BRINP3: variants seen among roughly 807,000 people sequenced by gnomAD.
The protein encoded by BRINP3 is BMP/retinoic acid-inducible neural-specific protein 3.
Under a neutral mutation model 71.0 loss-of-function variants are expected in BRINP3, and 19 were observed. That is an observed-to-expected ratio of 0.27 (90% CI 0.19 to 0.39). The LOEUF (loss-of-function observed/expected upper bound fraction) is 0.39, where lower values mean the gene tolerates loss of function less well. BRINP3 is among the 10% of genes least tolerant of loss of function. The pLI is 1.00. For missense variants in BRINP3, 959 were observed against 940.8 expected (o/e 1.02, Z -0.25); for synonymous variants, 380 against 337.7 (o/e 1.13, Z -1.37).
intron 6 of BRINP3, among the ~76,000 whole-genome samples, chr1:190,201,027 A>G (rs531738667): frequency 1.3e-5 from 2 of 152,262 alleles, no homozygotes; most frequent in South Asian, 4.2e-4. Context: ...TGGGGAAGCA[A>G]CTTTGGAACT....
chr1:190,326,149 G>A (rs1264470188), intron 2 of BRINP3, among the ~76,000 whole-genome samples: 4 of 151,964 alleles, frequency 2.6e-5, no homozygotes, highest in Non-Finnish European at 4.4e-5. Context: ...ACAATTCAAA[G>A]CTTTATCAAT....
chr1:190,185,656 T>G (rs868848593), intron 6 of BRINP3, among the ~76,000 whole-genome samples: 2 of 152,144 alleles, frequency 1.3e-5, no homozygotes, highest in Admixed American at 6.6e-5. Context: ...GTCTCCTGCA[T>G]GTATTTCTAT....
chr1:190,426,829 C>T (rs1303872965), intron 2 of BRINP3, among the ~76,000 whole-genome samples: 11 of 151,742 alleles, frequency 7.2e-5, no homozygotes, highest in Admixed American at 2.6e-4. Context: ...TCTGGATTAA[C>T]GGAACATTAT....
intron 4 of BRINP3, among the ~76,000 whole-genome samples, chr1:190,262,575 T>C (rs1191213639): frequency 6.6e-6 from 1 of 152,058 alleles, no homozygotes; most frequent in Admixed American, 6.6e-5. Flanking sequence ...TTTCCACCCA[T>C]CTCCAGCTAC....
At chr1:190,277,424 G>A (rs1352548760) in intron 3 of BRINP3, among the ~76,000 whole-genome samples, 2 of 151,182 alleles carry the variant, frequency 1.3e-5, no homozygotes, top group Non-Finnish European at 3.0e-5. Context: ...GTTGGATAAC[G>A]CTATATAATT....
intron 2 of BRINP3, among the ~76,000 whole-genome samples, chr1:190,452,779 C>T (rs916309241): frequency 6.6e-6 from 1 of 152,134 alleles, no homozygotes; most frequent in Non-Finnish European, 1.5e-5. Context: ...ATCGCTTAAA[C>T]CCAGGAGGCG....
intron 6 of BRINP3, among the ~76,000 whole-genome samples, chr1:190,206,562 T>G (rs1655519616): frequency 6.6e-6 from 1 of 152,092 alleles, no homozygotes; most frequent in Non-Finnish European, 1.5e-5. Context: ...TAAGAATTGT[T>G]CCTCACAACT....
At chr1:190,412,823 T>A (rs991814102) in intron 2 of BRINP3, among the ~76,000 whole-genome samples, 8 of 152,042 alleles carry the variant, frequency 5.3e-5, no homozygotes, top group East Asian at 1.9e-4. Flanking sequence ...GTTAAAAAAA[T>A]TTTGGTAAAA....
intron 2 of BRINP3, among the ~76,000 whole-genome samples, chr1:190,313,598 A>T (rs1018923614): frequency 5.3e-5 from 8 of 152,044 alleles, no homozygotes; most frequent in Non-Finnish European, 8.8e-5. Flanking sequence ...TTCTTACAAC[A>T]TCATCAACAA....
At chr1:190,264,747 A>G (rs1661501115) in intron 4 of BRINP3, 118 bp downstream of exon 4, 1 of 738,394 alleles carries the variant, frequency 1.4e-6, no homozygotes, top group Non-Finnish European at 2.0e-6. Flanking sequence ...AATTGTAAAT[A>G]TATTTTTATA....
At chr1:190,159,842 A>G (rs1490379851) in intron 7 of BRINP3, among the ~76,000 whole-genome samples, 2 of 152,040 alleles carry the variant, frequency 1.3e-5, no homozygotes, top group Non-Finnish European at 2.9e-5. Context: ...AAAACAATCC[A>G]ATGTTTTCTT....
chr1:190,124,081 G>A (rs926073188), intron 7 of BRINP3, among the ~76,000 whole-genome samples: 12 of 152,138 alleles, frequency 7.9e-5, no homozygotes, highest in African/African-American at 2.9e-4. Context: ...ACATGAGTTG[G>A]AAACTTAATC....
chr1:190,191,011 T>G (rs1653986453), intron 6 of BRINP3, among the ~76,000 whole-genome samples: 1 of 152,096 alleles, frequency 6.6e-6, no homozygotes, highest in Admixed American at 6.6e-5. Flanking sequence ...TGAGGATAGT[T>G]TTATGGTCAA....
intron 6 of BRINP3, among the ~76,000 whole-genome samples, chr1:190,218,555 T>C (rs779561862): frequency 2.6e-4 from 39 of 152,248 alleles, no homozygotes; most frequent in Admixed American, 2.6e-4. Flanking sequence ...ATCTACCACC[T>C]CAAATACTTA....
rs527939549 is a variant in BRINP3 at position 190,144,688 on chromosome 1, C to T, written c.1184+15980G>A. On this transcript the variant is annotated intron_variant, in intron 7 of 7. Transcript: ENST00000367462. ...CCTTCTAAAGTCAGAAAAATCTTAC[C>T]GATGAACATATCTCATCTTCATACT... Among the ~76,000 whole-genome samples, 39 of 152,098 alleles carry T rather than the reference C, an allele frequency of 2.6e-4. No homozygotes were observed. The South Asian group carries it at 3.1e-3, about 12-fold the overall frequency.
At chr1:190,099,260 A>G in intron 7 of BRINP3, 126 bp from the exon 8 acceptor site, 1 of 891,268 alleles carries the variant, frequency 1.1e-6, no homozygotes, top group Non-Finnish European at 1.7e-6. Context: ...TTTAAATGAA[A>G]TAAAAGATTC....
At chr1:190,106,004 T>TA (rs1652128804) in intron 7 of BRINP3, among the ~76,000 whole-genome samples, 1 of 151,906 alleles carries the variant, frequency 6.6e-6, no homozygotes, top group African/African-American at 2.4e-5. Context: ...TTGAAATATA[T>TA]TTTTCACTAA....
chr1:190,439,505 A>T lies in BRINP3; in HGVS notation c.236+15150T>A, dbSNP rs180912898. ...CAGAAGAAATAGCATCTAATTCCAAATTTTTGTAAGAAGGTCTGTAAGAGT... is the reference window on the plus strand; with the variant it reads ...CAGAAGAAATAGCATCTAATTCCAATTTTTTGTAAGAAGGTCTGTAAGAGT... On this transcript the variant is annotated intron_variant, in intron 2 of 7. Coordinates refer to ENST00000367462, the MANE Select transcript of BRINP3 (RefSeq NM_199051.3). Among the ~76,000 whole-genome samples the T allele has an allele frequency of 5.6e-3, 844 of 151,834 alleles. 5 individuals carry two copies. The highest frequency in any genetic ancestry group is 0.019 in the African/African-American group (779 of 41,514).
intron 6 of BRINP3, among the ~76,000 whole-genome samples, chr1:190,220,354 GACACAGGGAGAGGAACATC>G (rs1376738658): frequency 2.0e-5 from 3 of 151,982 alleles, no homozygotes; most frequent in African/African-American, 4.8e-5. Context: ...AGATCACACG[GACACAGGGAGAGGAACATC>G]ACACATCAGG....
Sources: gnomAD v4.1 joint callset for allele counts (sites outside exome capture counted in the v4.1 genomes callset) on GRCh38, gnomAD v4.1.1 for gene constraint, MANE v1.5 for transcripts, NCBI Gene and HGNC (gene_info 2026-07-23, HGNC 2026-07-21) for gene names.